The following POU1F1 variants were observed in gnomAD, a reference collection of about 807,000 sequenced individuals.
POU1F1 encodes the protein POU class 1 homeobox 1, also known as pituitary-specific positive transcription factor 1.
In POU1F1, 23 loss-of-function variants were observed where a neutral mutation model predicts 32.3. The ratio of observed to expected loss-of-function variants is 0.71; its 90% CI spans 0.51 to 1.01. The LOEUF (loss-of-function observed/expected upper bound fraction) is 1.01, where lower values mean the gene tolerates loss of function less well. Ranked by LOEUF, POU1F1 falls within the 50% of genes least tolerant of loss-of-function variation. POU1F1 has a pLI of 0.00. For missense variants in POU1F1, 323 were observed against 341.6 expected (o/e 0.95, Z 0.43); for synonymous variants, 120 against 115.6 (o/e 1.04, Z -0.25).
Position 87,260,615 on chromosome 3 carries a change from G to A in POU1F1, c.666-511C>T, listed in dbSNP as rs929348332. On this transcript the variant is annotated intron_variant, in intron 5 of 5. Coordinates refer to ENST00000350375, the MANE Select transcript of POU1F1 (RefSeq NM_000306.4). Reference sequence around the variant, plus strand: ...AGGTCATGTTGAACTTGAAGAGACCGAAACACTGATTACTAGTGTCACATT... The same window carrying A: ...AGGTCATGTTGAACTTGAAGAGACCAAAACACTGATTACTAGTGTCACATT... 4.6e-5 allele frequency among the ~76,000 whole-genome samples: 7 copies of A among 152,062 alleles called. No homozygotes were observed. In the South Asian group the frequency reaches 6.2e-4, roughly 14 times the overall value.
At chr3:87,262,023 A>G (rs370470103) in intron 4 of POU1F1, 48 bp downstream of exon 4, 5 of 1,607,838 alleles carry the variant, frequency 3.1e-6, no homozygotes, top group African/African-American at 2.7e-5. Flanking sequence ...TGAAGCCATT[A>G]TTTTTAGGTT....
Position 87,259,701 on chromosome 3 carries a change from ATTATT to A in POU1F1, c.*188_*192del. The A allele has an allele frequency of 1.7e-6, 1 of 583,862 alleles. No homozygotes were observed. 36.2% of individuals were successfully genotyped at this position (583,862 alleles called of 1,614,324 possible). On this transcript the variant is annotated 3_prime_UTR_variant, in exon 6 of 6. Transcript: ENST00000350375. Reference sequence around the variant, plus strand: ...ATAGATAATGTGGCTTCTGAGAATAATTATTTTAAGTAAATAACATCAATATAATT... The same window carrying A: ...ATAGATAATGTGGCTTCTGAGAATAATTAAGTAAATAACATCAATATAATT...
intron 1 of POU1F1, 122 bp downstream of exon 1, chr3:87,276,199 G>C: frequency 2.3e-6 from 3 of 1,298,292 alleles, no homozygotes. Flanking sequence ...CTTCACTTAA[G>C]ACAAATTAAA....
chr3:87,266,686 CT>C (rs1706627579), intron 2 of POU1F1, among the ~76,000 whole-genome samples: 2 of 151,712 alleles, frequency 1.3e-5, no homozygotes, highest in Admixed American at 1.3e-4. Context: ...ACCAACTTTT[CT>C]TTTATTATAT....
In POU1F1 at chr3:87,262,228, G is replaced by T. The variant is rs758184285; in HGVS notation, c.447C>A (p.Thr149=). 4 of 1,613,876 alleles carry T rather than the reference G, an allele frequency of 2.5e-6. No homozygotes were observed. In the African/African-American group the frequency reaches 4.0e-5, roughly 16 times the overall value. ...FKVRRIKLGY[T]QTNVGEALAA... ...CCAGGGCCTCCCCAACATTTGTCTG[G>T]GTGTATCCTGTGAAGGGACAATAAA... Residue 149 remains threonine, a synonymous_variant, in exon 4 of 6, where the codon ACC becomes ACA. Coordinates refer to ENST00000350375, the MANE Select transcript of POU1F1 (RefSeq NM_000306.4).
In POU1F1 at chr3:87,269,087, A is replaced by G. The variant is rs148712902; in HGVS notation, c.214+4260T>C. Among the ~76,000 whole-genome samples the G allele has an allele frequency of 1.4e-4, 22 of 152,312 alleles. 1 individual carries two copies. In the East Asian group the frequency reaches 4.2e-3, roughly 29 times the overall value. The stretch of plus-strand genomic sequence containing the variant: ...ACCCTGCTGTGCTTGTAACATGCAC[A>G]GGAACATGTATCTGAATATTTCCAT... On this transcript the variant is annotated intron_variant, in intron 2 of 5. Transcript: ENST00000350375.
intron 1 of POU1F1, among the ~76,000 whole-genome samples, chr3:87,274,475 T>G (rs1706791725): frequency 6.6e-6 from 1 of 151,788 alleles, no homozygotes; most frequent in South Asian, 2.1e-4. Context: ...ATATACAAAC[T>G]AGTGATTAAA....
At chr3:87,271,623 C>T (rs1157312247) in intron 2 of POU1F1, among the ~76,000 whole-genome samples, 2 of 152,126 alleles carry the variant, frequency 1.3e-5, no homozygotes, top group African/African-American at 4.8e-5. Context: ...GCTGTAAAGG[C>T]CACAGAAAGC....
chr3:87,265,805 C>T (rs1706609779), intron 2 of POU1F1, among the ~76,000 whole-genome samples: 1 of 151,858 alleles, frequency 6.6e-6, no homozygotes, highest in South Asian at 2.1e-4. Flanking sequence ...GCAAATACTA[C>T]ACCATTTTAT....
rs772252418 is a variant in POU1F1, at chr3:87,264,289, T to A, written c.438A>T (p.Leu146Phe). The stretch of plus-strand genomic sequence containing the variant: ...CTGTTGCCTTTAACAAGCACATACC[T>A]AATTTAATTCGTCTCACTTTAAATT... Reference protein sequence around the residue: ...ANEFKVRRIKLGYTQTNVGEA... With the variant: ...ANEFKVRRIKFGYTQTNVGEA... The change falls in exon 3 of 6, where the codon TTA becomes TTT. Residue 146 changes from leucine (L) to phenylalanine (F), a missense_variant and splice_region_variant. Leu to Phe is a conservative substitution (Grantham distance 22). Coordinates refer to ENST00000350375, the MANE Select transcript of POU1F1 (RefSeq NM_000306.4). The A allele has an allele frequency of 1.2e-6, 2 of 1,606,362 alleles. No individual in the cohort carries two copies. The highest frequency in any genetic ancestry group is 1.7e-6 in the Non-Finnish European group (2 of 1,172,990).
At chr3:87,269,734 A>G (rs1365887109) in intron 2 of POU1F1, among the ~76,000 whole-genome samples, 1 of 152,082 alleles carries the variant, frequency 6.6e-6, no homozygotes, top group Non-Finnish European at 1.5e-5. Flanking sequence ...TTGGATGCTC[A>G]TCATCTTGTT....
At chr3:87,260,880 A>T (rs1196765187) in intron 5 of POU1F1, among the ~76,000 whole-genome samples, 4 of 33,772 alleles carry the variant, frequency 1.2e-4, no homozygotes, top group African/African-American at 3.9e-4. Flanking sequence ...TTTTTTATTT[A>T]TTTATTTATT....
At chr3:87,260,966 A>C (rs566976655) in intron 5 of POU1F1, among the ~76,000 whole-genome samples, 1 of 151,286 alleles carries the variant, frequency 6.6e-6, no homozygotes, top group East Asian at 1.9e-4. Flanking sequence ...GCTGGAGTGC[A>C]GTGGCGCAAG....
At chr3:87,264,641 C>T in intron 2 of POU1F1, 129 bp from the exon 3 acceptor site, 2 of 729,034 alleles carry the variant, frequency 2.7e-6, no homozygotes, top group Non-Finnish European at 4.7e-6. Flanking sequence ...ACAAGGTTAC[C>T]TTACATTCAG....
intron 4 of POU1F1, 117 bp downstream of exon 4, chr3:87,261,954 A>G (rs1408828541): frequency 1.6e-6 from 2 of 1,235,782 alleles, no homozygotes; most frequent in African/African-American, 3.0e-5. Flanking sequence ...TTTCATCTCA[A>G]AGAGAAAAGG....
In POU1F1 at chr3:87,264,502, G is replaced by T; in HGVS notation, c.225C>A (p.Thr75=). The change falls in exon 3 of 6, where the codon ACC becomes ACA. Residue 75 remains threonine (T), a synonymous_variant. Coordinates refer to ENST00000350375, the MANE Select transcript of POU1F1 (RefSeq NM_000306.4). ...STYGVMAGSL[T]PCLYKFPDHT... ...GGTCAGGAAATTTATAAAGACAAGG[G>T]GTTAAACTACCTGTGAGTAAACAAA... The T allele has an allele frequency of 6.3e-7, 1 of 1,593,184 alleles. No homozygotes were observed. The highest frequency in any genetic ancestry group is 8.6e-7 in the Non-Finnish European group (1 of 1,161,168).
Position 87,262,243 on chromosome 3 carries a change from G to A in POU1F1, c.440-8C>T. On this transcript the variant is annotated splice_polypyrimidine_tract_variant and splice_region_variant and intron_variant, in intron 3 of 5. Coordinates refer to ENST00000350375, the MANE Select transcript of POU1F1 (RefSeq NM_000306.4). ...CATTTGTCTGGGTGTATCCTGTGAA[G>A]GGACAATAAAGACCATCAGCTCCAA... 1.2e-6 allele frequency: 2 copies of A among 1,613,848 alleles called. No homozygotes were observed. The highest frequency in any genetic ancestry group is 1.1e-5 in the South Asian group (1 of 91,026).
In POU1F1 at chr3:87,276,433, A is replaced by T; in HGVS notation, c.30T>A (p.Asp10Glu). Reference protein sequence around the residue: MSCQAFTSADTFIPLNSDAS... With the variant: MSCQAFTSAETFIPLNSDAS... ...CGTCAGAATTCAGAGGTATAAAGGTATCAGCCGAAGTAAAAGCTTGGCAAC... is the reference window on the plus strand; with the variant it reads ...CGTCAGAATTCAGAGGTATAAAGGTTTCAGCCGAAGTAAAAGCTTGGCAAC... The change falls in exon 1 of 6, where the codon GAT (aspartate) becomes GAA (glutamate). Residue 10 changes from aspartate to glutamate, a missense_variant. By Grantham distance (45) the Asp-to-Glu change is conservative. Coordinates refer to ENST00000350375, the MANE Select transcript of POU1F1 (RefSeq NM_000306.4). 6.2e-7 allele frequency: 1 copy of T among 1,613,986 alleles called. No individual in the cohort carries two copies.
intron 3 of POU1F1, among the ~76,000 whole-genome samples, chr3:87,263,491 T>G (rs1706549278): frequency 6.6e-6 from 1 of 152,152 alleles, no homozygotes; most frequent in Non-Finnish European, 1.5e-5. Context: ...TTATATAGCC[T>G]GAGGATGGTG....
Sources: allele counts gnomAD v4.1 joint callset (sites outside exome capture counted in the v4.1 genomes callset), GRCh38; gene constraint gnomAD v4.1.1; transcripts MANE v1.5; gene names NCBI Gene and HGNC (gene_info 2026-07-23, HGNC 2026-07-21).